The following SYNE1 variants were observed in gnomAD, a reference collection of about 807,000 sequenced individuals.
SYNE1 encodes spectrin repeat containing nuclear envelope protein 1.
SYNE1 carries 616 observed loss-of-function variants against 1,111.0 expected under a neutral mutation model. The ratio of observed to expected loss-of-function variants is 0.55; its 90% CI spans 0.52 to 0.59. The LOEUF is 0.59. Among genes scored for constraint, SYNE1 ranks in the 20% least tolerant of loss-of-function variants. The probability of loss-of-function intolerance (pLI) is 0.00; values close to 1 mark genes in which losing one functional copy is unlikely to be tolerated. For synonymous variants in SYNE1, 3,855 were observed against 3,825.8 expected, an observed-to-expected ratio of 1.01 and a Z score of -0.28; for missense variants, 10,006 against 10,417.0, an observed-to-expected ratio of 0.96 and a Z score of 1.72.
At chr6:152,594,318 G>A (rs905979832) in intron 3 of SYNE1, among the ~76,000 whole-genome samples, 1 of 152,172 alleles carries the variant, frequency 6.6e-6, no homozygotes, top group Non-Finnish European at 1.5e-5. Context: ...TCATGTGCAG[G>A]AACAGCCAGA....
chr6:152,317,053 TTC>T, intron 86 of SYNE1, 67 bp from the exon 87 acceptor site: 2 of 1,583,618 alleles, frequency 1.3e-6, no homozygotes. Context: ...TAAATCAGTC[TTC>T]TCTCTCTTTG....
rs1362102564 is a variant in SYNE1 at position 152,147,911 on chromosome 6, G to A, written c.24976+134C>T. ...ATTTTATAATCACATTCATATCTAA[G>A]TGTTCACTTAGGTACAATTTCCCCG... On this transcript the variant is annotated intron_variant, in intron 137 of 145. Transcript: ENST00000367255. 3 of 804,468 alleles carry A rather than the reference G, an allele frequency of 3.7e-6. No individual in the cohort carries two copies. The African/African-American group carries it at 5.1e-5, about 14-fold the overall frequency. 49.8% of individuals were successfully genotyped at this position (804,468 alleles called of 1,614,324 possible).
At chr6:152,150,879 T>C (rs926547106) in intron 135 of SYNE1, among the ~76,000 whole-genome samples, 8 of 152,110 alleles carry the variant, frequency 5.3e-5, no homozygotes, top group African/African-American at 1.9e-4. Context: ...AGGAACCATG[T>C]GAAGGTGCTA....
At position 152,338,634 on chromosome 6, in the gene SYNE1, A is replaced by AAACAAACGAGCAAACAAACC. The variant is rs1176465175; in HGVS notation, c.12351+587_12351+606dup. On this transcript the variant is annotated intron_variant, in intron 75 of 145. Coordinates refer to ENST00000367255, the MANE Select transcript of SYNE1 (RefSeq NM_182961.4). ...TCTCAAAATAAAGAAACAAACAAAC[A>AAACAAACGAGCAAACAAACC]AACAAACGAGCAAACAAACCCAAAT... 3.9e-5 allele frequency among the ~76,000 whole-genome samples: 6 copies of AAACAAACGAGCAAACAAACC among 152,292 alleles called. 1 individual carries two copies. The highest frequency in any genetic ancestry group is 3.9e-4 in the East Asian group (2 of 5,186).
rs1586288189 is a variant in SYNE1 at position 152,151,806 on chromosome 6, A to C, written c.24313-116T>G. Reference sequence around the variant, plus strand: ...AAAGTCATTTTCTCAGCAAGCAATGAGAAGCCTGCAATCCTTTGCTATATC... The same window carrying C: ...AAAGTCATTTTCTCAGCAAGCAATGCGAAGCCTGCAATCCTTTGCTATATC... On this transcript the variant is annotated intron_variant, in intron 134 of 145. Transcript: ENST00000367255. The C allele has an allele frequency of 1.2e-5, 18 of 1,504,778 alleles. No individual in the cohort carries two copies. The East Asian group carries it at 4.4e-4, about 37-fold the overall frequency. The allele number at this position is 1,504,778 out of a possible 1,614,324, so 93.2% of individuals were successfully genotyped here.
chr6:152,198,999 A>AC (rs916523403), intron 127 of SYNE1, among the ~76,000 whole-genome samples: 2 of 146,016 alleles, frequency 1.4e-5, no homozygotes, highest in Non-Finnish European at 3.0e-5. Flanking sequence ...AAAAAAAAAA[A>AC]AACCAAAAAA....
At chr6:152,254,244 CTT>C (rs773598537) in intron 104 of SYNE1, among the ~76,000 whole-genome samples, 177 of 73,144 alleles carry the variant, frequency 2.4e-3, no homozygotes, top group African/African-American at 9.4e-3. Context: ...TCTGCATACT[CTT>C]TTTTTTTTTT....
Position 152,359,277 on chromosome 6 carries a change from C to G in SYNE1, c.10443+38G>C, listed in dbSNP as rs188909585. 273 of 1,612,736 alleles carry G rather than the reference C, an allele frequency of 1.7e-4. No individual in the cohort carries two copies. The African/African-American group carries it at 3.4e-3, about 20-fold the overall frequency. The stretch of plus-strand genomic sequence containing the variant: ...AAAGGAGCACAGCTCCAAACACTCC[C>G]CTTTTGGTGAGTCTACAAGGAAAGT... On this transcript the variant is annotated intron_variant, in intron 65 of 145. Coordinates refer to ENST00000367255, the MANE Select transcript of SYNE1 (RefSeq NM_182961.4).
At chr6:152,463,545 T>G (rs772175764) in intron 18 of SYNE1, 28 bp from the exon 19 acceptor site, 1 of 1,568,120 alleles carries the variant, frequency 6.4e-7, no homozygotes, top group Non-Finnish European at 8.8e-7. Context: ...CACAATATCA[T>G]AAACCATAAA....
chr6:152,273,228 C>A (rs1158117656), intron 98 of SYNE1, among the ~76,000 whole-genome samples: 2 of 152,218 alleles, frequency 1.3e-5, no homozygotes, highest in Admixed American at 1.3e-4. Context: ...GGTGTGGACA[C>A]CACAGTGGTG....
intron 46 of SYNE1, among the ~76,000 whole-genome samples, chr6:152,401,991 C>G (rs1215993734): frequency 6.6e-6 from 1 of 152,186 alleles, no homozygotes; most frequent in Non-Finnish European, 1.5e-5. Flanking sequence ...TCTATTCTTA[C>G]CCCCACCTCA....
intron 3 of SYNE1, among the ~76,000 whole-genome samples, chr6:152,545,429 A>C: frequency 6.6e-6 from 1 of 152,110 alleles, no homozygotes; most frequent in Non-Finnish European, 1.5e-5. Flanking sequence ...ATAATATAAA[A>C]ATTAGCCAGA....
intron 93 of SYNE1, 102 bp downstream of exon 93, chr6:152,300,539 C>T: frequency 6.4e-7 from 1 of 1,550,938 alleles, no homozygotes; most frequent in East Asian, 2.2e-5. Flanking sequence ...GAACCAAATG[C>T]AACAAAGTCT....
intron 70 of SYNE1, 24 bp downstream of exon 70, chr6:152,352,003 T>C (rs1409417489): frequency 6.2e-7 from 1 of 1,607,892 alleles, no homozygotes; most frequent in African/African-American, 1.3e-5. Flanking sequence ...TCTGCATGCA[T>C]CTGTCAATGA....
At chr6:152,413,210 C>T (rs2098096377) in intron 42 of SYNE1, 142 bp downstream of exon 42, 6 of 1,009,846 alleles carry the variant, frequency 5.9e-6, no homozygotes, top group African/African-American at 3.2e-5. Context: ...AGTAAATTTT[C>T]AATGTTATGA....
intron 116 of SYNE1, among the ~76,000 whole-genome samples, chr6:152,224,922 TATATACATATATACATATGTATAC>T (rs1203295411): frequency 6.8e-5 from 10 of 147,480 alleles, no homozygotes; most frequent in Admixed American, 1.4e-4. Flanking sequence ...TATATGTATA[TATATACATATATACATATGTATAC>T]ACATATATAT....
chr6:152,615,523 G>A (rs1004515067), intron 3 of SYNE1, among the ~76,000 whole-genome samples: 2 of 151,914 alleles, frequency 1.3e-5, no homozygotes, highest in African/African-American at 4.8e-5. Context: ...TTATTATGGT[G>A]CTAAGAATTA....
intron 55 of SYNE1, 122 bp downstream of exon 55, chr6:152,385,552 G>T: frequency 1.9e-6 from 2 of 1,051,314 alleles, no homozygotes; most frequent in Non-Finnish European, 2.9e-6. Flanking sequence ...AATCAGTGAG[G>T]CATCAAATAG....
chr6:152,415,634 A>G (rs1184230127), intron 41 of SYNE1, among the ~76,000 whole-genome samples: 1 of 152,144 alleles, frequency 6.6e-6, no homozygotes, highest in African/African-American at 2.4e-5. Flanking sequence ...CTTGTTATAG[A>G]AGATGAATCC....
Sources: gnomAD v4.1 joint callset for allele counts (sites outside exome capture counted in the v4.1 genomes callset) on GRCh38, gnomAD v4.1.1 for gene constraint, MANE v1.5 for transcripts, NCBI Gene and HGNC (gene_info 2026-07-23, HGNC 2026-07-21) for gene names.